ASTN2: variants seen among roughly 807,000 people sequenced by gnomAD.
ASTN2 encodes the protein astrotactin 2, also known as astrotactin-2.
ASTN2 carries 54 observed loss-of-function variants against 139.8 expected under a neutral mutation model. The observed-to-expected ratio is 0.39, with a 90% CI of 0.31 to 0.48. The LOEUF (loss-of-function observed/expected upper bound fraction) is 0.48. ASTN2 is among the 20% of genes least tolerant of loss of function. The pLI is 0.95. For synonymous variants in ASTN2, 756 were observed against 719.5 expected (o/e 1.05, Z -0.81); for missense variants, 1,565 against 1,725.1 (o/e 0.91, Z 1.64).
chr9:117,392,181 A>G (rs775306755), intron 1 of ASTN2, among the ~76,000 whole-genome samples: 4 of 152,346 alleles, frequency 2.6e-5, no homozygotes, highest in Admixed American at 2.6e-4. Context: ...TGAGAGACCA[A>G]TTAGGAAACT....
rs751028044 is a variant in ASTN2 at position 116,697,921 on chromosome 9, G to A, written c.2806+27850C>T. On this transcript the variant is annotated intron_variant, in intron 16 of 22. Coordinates refer to ENST00000313400, the MANE Select transcript of ASTN2 (RefSeq NM_001365068.1). Reference sequence around the variant, plus strand: ...TTGGCCAGTAGCATCAATGGTGTCCGCTGTCCCTTTTGCAGCAAGATTACC... The same window carrying A: ...TTGGCCAGTAGCATCAATGGTGTCCACTGTCCCTTTTGCAGCAAGATTACC... 2.1e-5 allele frequency: 34 copies of A among 1,614,066 alleles called. No homozygotes were observed. The highest frequency in any genetic ancestry group is 5.5e-5 in the South Asian group (5 of 91,084).
intron 17 of ASTN2, among the ~76,000 whole-genome samples, chr9:116,621,722 G>A (rs1856166973): frequency 6.6e-6 from 1 of 152,164 alleles, no homozygotes; most frequent in African/African-American, 2.4e-5. Flanking sequence ...ACCTAGCACA[G>A]TTATTCAGTC....
chr9:117,152,104 A>G (rs1365695659), intron 3 of ASTN2, among the ~76,000 whole-genome samples: 1 of 152,168 alleles, frequency 6.6e-6, no homozygotes, highest in Non-Finnish European at 1.5e-5. Flanking sequence ...TCCCTCAAGA[A>G]TTGTGGGGTT....
chr9:117,053,366 C>T (rs891768791), intron 5 of ASTN2, among the ~76,000 whole-genome samples: 1 of 152,046 alleles, frequency 6.6e-6, no homozygotes, highest in Non-Finnish European at 1.5e-5. Flanking sequence ...GTAGGAAGAT[C>T]GCTTGAGCCC....
chr9:117,199,686 G>A (rs1028957134), intron 3 of ASTN2, among the ~76,000 whole-genome samples: 1 of 151,894 alleles, frequency 6.6e-6, no homozygotes, highest in Non-Finnish European at 1.5e-5. Context: ...GTAGTTCGAT[G>A]GGAATAGCAT....
At chr9:116,606,400 T>G (rs776469876) in intron 19 of ASTN2, among the ~76,000 whole-genome samples, 1 of 152,060 alleles carries the variant, frequency 6.6e-6, no homozygotes, top group African/African-American at 2.4e-5. Context: ...ATAAAGTGTG[T>G]GTGTATGTGT....
chr9:117,108,740 CA>C (rs1829171778), intron 4 of ASTN2, among the ~76,000 whole-genome samples: 1 of 152,134 alleles, frequency 6.6e-6, no homozygotes, highest in Admixed American at 6.6e-5. Context: ...CTTGCTTTGT[CA>C]AATATCTTGG....
chr9:116,636,361 T>C (rs959595903), intron 17 of ASTN2, among the ~76,000 whole-genome samples: 2 of 152,200 alleles, frequency 1.3e-5, no homozygotes, highest in Non-Finnish European at 2.9e-5. Flanking sequence ...TCTTCATAAA[T>C]CACATACCAT....
chr9:117,334,406 A>G (rs1828808892), intron 1 of ASTN2, among the ~76,000 whole-genome samples: 1 of 151,764 alleles, frequency 6.6e-6, no homozygotes, highest in Non-Finnish European at 1.5e-5. Flanking sequence ...ACCTTGAGAC[A>G]TTTATTTTTA....
chr9:116,961,923 T>A (rs1357115068), intron 10 of ASTN2, among the ~76,000 whole-genome samples: 1 of 152,238 alleles, frequency 6.6e-6, no homozygotes, highest in Non-Finnish European at 1.5e-5. Flanking sequence ...TCAATTCACT[T>A]GATTCTCAAC....
intron 10 of ASTN2, among the ~76,000 whole-genome samples, chr9:116,899,816 C>T (rs1833963208): frequency 6.6e-6 from 1 of 152,144 alleles, no homozygotes; most frequent in East Asian, 1.9e-4. Flanking sequence ...CCCAACTGCT[C>T]CTGCATATAA....
chr9:116,695,104 T>C (rs959787887), intron 16 of ASTN2, among the ~76,000 whole-genome samples: 1 of 152,164 alleles, frequency 6.6e-6, no homozygotes, highest in African/African-American at 2.4e-5. Flanking sequence ...AGTTAATCAT[T>C]GTTATGTGAC....
chr9:116,749,171 A>G (rs1368414465), intron 13 of ASTN2, among the ~76,000 whole-genome samples: 1 of 152,160 alleles, frequency 6.6e-6, no homozygotes, highest in East Asian at 1.9e-4. Context: ...CATAAAATGA[A>G]TTGCTTAGCA....
intron 17 of ASTN2, among the ~76,000 whole-genome samples, chr9:116,636,161 A>G (rs1284990484): frequency 6.6e-6 from 1 of 152,138 alleles, no homozygotes; most frequent in Non-Finnish European, 1.5e-5. Flanking sequence ...TAATACTGAT[A>G]CTTCTCCTTC....
intron 5 of ASTN2, among the ~76,000 whole-genome samples, chr9:117,060,917 A>G (rs1839271037): frequency 6.6e-6 from 1 of 152,148 alleles, no homozygotes; most frequent in Non-Finnish European, 1.5e-5. Context: ...AAGAAAAGAA[A>G]AAAAAGAAAG....
chr9:116,675,624 T>G (rs1263690620), intron 16 of ASTN2, among the ~76,000 whole-genome samples: 1 of 152,138 alleles, frequency 6.6e-6, no homozygotes, highest in East Asian at 1.9e-4. Flanking sequence ...AGGGATCTGA[T>G]TTGGAAGGCC....
intron 10 of ASTN2, among the ~76,000 whole-genome samples, chr9:116,961,780 T>A (rs893949189): frequency 1.3e-5 from 2 of 152,176 alleles, no homozygotes; most frequent in African/African-American, 4.8e-5. Context: ...AGAGTCACAA[T>A]AATTTCTGAA....
At chr9:116,846,074 A>T (rs1375765537) in intron 11 of ASTN2, among the ~76,000 whole-genome samples, 1 of 152,224 alleles carries the variant, frequency 6.6e-6, no homozygotes, top group Non-Finnish European at 1.5e-5. Flanking sequence ...AACCCTGAGG[A>T]CATTATGCTA....
intron 10 of ASTN2, among the ~76,000 whole-genome samples, chr9:116,864,876 C>T (rs1242885288): frequency 6.6e-6 from 1 of 152,146 alleles, no homozygotes; most frequent in Non-Finnish European, 1.5e-5. Flanking sequence ...CCCTTCTGTC[C>T]CATCTTTCAT....
Sources: gnomAD v4.1 joint callset for allele counts (sites outside exome capture counted in the v4.1 genomes callset) on GRCh38, gnomAD v4.1.1 for gene constraint, MANE v1.5 for transcripts, NCBI Gene and HGNC (gene_info 2026-07-23, HGNC 2026-07-21) for gene names.